CTR9: variants seen among roughly 807,000 people sequenced by gnomAD.
CTR9 encodes the protein RNA polymerase-associated protein CTR9 homolog.
CTR9 carries 41 observed loss-of-function variants against 152.1 expected under a neutral mutation model. The observed-to-expected ratio is 0.27, with a 90% CI of 0.21 to 0.35. The LOEUF is 0.35. Among genes scored for constraint, CTR9 ranks in the 10% least tolerant of loss-of-function variants. The pLI, the probability that CTR9 is intolerant of heterozygous loss-of-function variation, is 1.00. For synonymous variants in CTR9, 476 were observed against 496.2 expected (o/e 0.96, Z 0.54); for missense variants, 917 against 1,424.4 (o/e 0.64, Z 5.73).
chr11:10,764,042 A>G (rs1863019550), intron 9 of CTR9, 70 bp from the exon 10 acceptor site: 4 of 1,485,316 alleles, frequency 2.7e-6, no homozygotes, highest in Non-Finnish European at 2.8e-6. Flanking sequence ...ACAGACTTAC[A>G]TAGCCCCCAC....
chr11:10,768,591 T>G, intron 16 of CTR9, 100 bp downstream of exon 16: 76 of 1,163,656 alleles, frequency 6.5e-5, no homozygotes, highest in Non-Finnish European at 7.6e-5. Flanking sequence ...ATGCTATCTC[T>G]TGTGATACTG....
chr11:10,762,603 A>G (rs1862995089), intron 7 of CTR9, among the ~76,000 whole-genome samples: 1 of 152,224 alleles, frequency 6.6e-6, no homozygotes, highest in South Asian at 2.1e-4. Context: ...TGGACATGCT[A>G]TGTAGGGAAC....
chr11:10,779,302 T>C lies in CTR9; in HGVS notation c.*197T>C. On this transcript the variant is annotated 3_prime_UTR_variant, in exon 25 of 25. Coordinates refer to ENST00000361367, the MANE Select transcript of CTR9 (RefSeq NM_014633.5). Reference sequence around the variant, plus strand: ...CCAATATTTGAGTCTCTCGTGCAAATGAGACTATTCTTTGTGGTACAATTC... The same window carrying C: ...CCAATATTTGAGTCTCTCGTGCAAACGAGACTATTCTTTGTGGTACAATTC... 1.8e-6 allele frequency: 1 copy of C among 569,262 alleles called. No individual in the cohort carries two copies. Among genetic ancestry groups the C allele is most frequent in the Non-Finnish European group, 3.1e-6 (1 of 324,976 alleles). 35.3% of individuals were successfully genotyped at this position (569,262 alleles called of 1,614,324 possible).
chr11:10,764,258 T>C, intron 10 of CTR9, 50 bp from the exon 11 acceptor site: 1 of 1,613,828 alleles, frequency 6.2e-7, no homozygotes, highest in South Asian at 1.1e-5. Context: ...AAGCCTGGTG[T>C]AGTGTCTCTC....
rs1863294175 is a variant in CTR9, at chr11:10,779,272, A to G, written c.*167A>G. On this transcript the variant is annotated 3_prime_UTR_variant, in exon 25 of 25. Coordinates refer to ENST00000361367, the MANE Select transcript of CTR9 (RefSeq NM_014633.5). Reference sequence around the variant, plus strand: ...AGCCCCAAGAGACATTTCCTGTGCTAGAGTCCAATATTTGAGTCTCTCGTG... The same window carrying G: ...AGCCCCAAGAGACATTTCCTGTGCTGGAGTCCAATATTTGAGTCTCTCGTG... 3.1e-6 allele frequency: 2 copies of G among 641,098 alleles called. No homozygotes were observed. The highest frequency in any genetic ancestry group is 2.8e-5 in the East Asian group (1 of 35,586). 39.7% of individuals were successfully genotyped at this position (641,098 alleles called of 1,614,324 possible).
In CTR9 at chr11:10,772,599, C is replaced by T. The variant is rs757474491; in HGVS notation, c.2524C>T (p.Arg842Trp). 11 of 1,610,888 alleles carry T rather than the reference C, an allele frequency of 6.8e-6. No homozygotes were observed. Among genetic ancestry groups the T allele is most frequent in the African/African-American group, 2.7e-5 (2 of 74,572 alleles). ...RKQDEEERELRAKQEQEKELL... is the reference protein window; with the variant it reads ...RKQDEEERELWAKQEQEKELL... ...ACAAGATGAAGAAGAGCGGGAGCTG[C>T]GGGCCAAGCAAGAGCAAGAAAAGGA... is the stretch of plus-strand genomic sequence containing the variant. The change falls in exon 20 of 25, where the codon CGG becomes TGG. Residue 842 changes from arginine to tryptophan, a missense_variant. Around this residue, in one of 9 missense-constraint regions of CTR9, gnomAD observed 106 missense variants for 157.8 expected, o/e 0.67. Coordinates refer to ENST00000361367, the MANE Select transcript of CTR9 (RefSeq NM_014633.5).
At chr11:10,762,486 G>A (rs1317494306) in intron 7 of CTR9, among the ~76,000 whole-genome samples, 1 of 152,210 alleles carries the variant, frequency 6.6e-6, no homozygotes, top group Admixed American at 6.5e-5. Context: ...GGTCACTAGA[G>A]AGTTGAAAAG....
chr11:10,760,369 C>T, intron 6 of CTR9, 48 bp downstream of exon 6: 1 of 1,551,866 alleles, frequency 6.4e-7, no homozygotes, highest in Non-Finnish European at 8.8e-7. Context: ...TTGTCAGGCC[C>T]ACAGCCTCTT....
At chr11:10,769,554 G>A (rs922813862) in intron 16 of CTR9, among the ~76,000 whole-genome samples, 8 of 152,284 alleles carry the variant, frequency 5.3e-5, no homozygotes, top group African/African-American at 1.9e-4. Context: ...AGCTTCAGAG[G>A]TTGTGTTTTG....
Position 10,778,925 on chromosome 11 carries a change from A to C in CTR9, c.3342A>C (p.Ser1114=). The C allele has an allele frequency of 6.2e-7, 1 of 1,614,012 alleles. No individual in the cohort carries two copies. Among genetic ancestry groups the C allele is most frequent in the East Asian group, 2.2e-5 (1 of 44,846 alleles). The change falls in exon 25 of 25, where the codon TCA becomes TCC. Residue 1114 remains serine, a synonymous_variant. Coordinates refer to ENST00000361367, the MANE Select transcript of CTR9 (RefSeq NM_014633.5). Reference sequence around the variant, plus strand: ...CTGTGCAGTCAGGGAGAAGCCACTCAGGAGTTTCTGAGAACGACTCTCGCC... The same window carrying C: ...CTGTGCAGTCAGGGAGAAGCCACTCCGGAGTTTCTGAGAACGACTCTCGCC... ...NESVQSGRSH[S]GVSENDSRPA... is the part of the protein sequence containing the mutation.
chr11:10,771,597 C>G lies in CTR9; in HGVS notation c.2425C>G (p.Leu809Val), dbSNP rs371400312. 7 of 1,612,400 alleles carry G rather than the reference C, an allele frequency of 4.3e-6. No homozygotes were observed. In the African/African-American group the frequency reaches 9.4e-5, roughly 22 times the overall value. Residue 809 changes from leucine (L) to valine (V), a missense_variant, in exon 19 of 25, where the codon CTT (leucine) becomes GTT (valine). Physicochemically the swap from Leu to Val is conservative, Grantham distance 32. Transcript: ENST00000361367. ...AGATAAAATGAGATTTGATTTGGCC[C>G]TTGCTGCTACAGAAGCCAGGTAATG... ...VGDKMRFDLALAATEARQCSD... is the reference protein window; with the variant it reads ...VGDKMRFDLAVAATEARQCSD...
chr11:10,771,286 T>G (rs1863139650), intron 18 of CTR9, among the ~76,000 whole-genome samples: 1 of 152,212 alleles, frequency 6.6e-6, no homozygotes, highest in Non-Finnish European at 1.5e-5. Flanking sequence ...CCTGACATAT[T>G]TAGTAAATTT....
At position 10,773,992 on chromosome 11, in the gene CTR9, T is replaced by C. The variant is rs773203356; in HGVS notation, c.2728-20T>C. 3 of 1,589,080 alleles carry C rather than the reference T, an allele frequency of 1.9e-6. No homozygotes were observed. Among genetic ancestry groups the C allele is most frequent in the East Asian group, 2.2e-5 (1 of 44,516 alleles). On this transcript the variant is annotated intron_variant, in intron 21 of 24. Coordinates refer to ENST00000361367, the MANE Select transcript of CTR9 (RefSeq NM_014633.5). Reference sequence around the variant, plus strand: ...CCACCAACCAGGAAATAACTGACTATAGTGTTGTTTGGATTTTAGCGTTCT... The same window carrying C: ...CCACCAACCAGGAAATAACTGACTACAGTGTTGTTTGGATTTTAGCGTTCT...
chr11:10,772,404 AT>A (rs1221936248), intron 19 of CTR9, 115 bp from the exon 20 acceptor site: 5 of 861,248 alleles, frequency 5.8e-6, no homozygotes, highest in Non-Finnish European at 8.0e-6. Flanking sequence ...AAGACTTCAC[AT>A]AGATCAGCTA....
At position 10,775,271 on chromosome 11, in the gene CTR9, C is replaced by G; in HGVS notation, c.2950C>G (p.Arg984Gly). The change falls in exon 23 of 25, where the codon CGA becomes GGA. Residue 984 changes from arginine to glycine, a missense_variant. Physicochemically the swap from Arg to Gly is moderately radical, Grantham distance 125 (BLOSUM62 -2). This residue lies in a region of CTR9 where 384 missense variants were observed against 398.4 expected (regional missense o/e 0.96). Coordinates refer to ENST00000361367, the MANE Select transcript of CTR9 (RefSeq NM_014633.5). The stretch of plus-strand genomic sequence containing the variant: ...AGAAAATGGCCCCAAACCAAAAAAA[C>G]GACGTCCACCAAAAGCAGAGAAGAA... Reference protein sequence around the residue: ...ETENGPKPKKRRPPKAEKKKA... With the variant: ...ETENGPKPKKGRPPKAEKKKA... The G allele has an allele frequency of 6.2e-7, 1 of 1,613,986 alleles. No individual in the cohort carries two copies. The highest frequency in any genetic ancestry group is 8.5e-7 in the Non-Finnish European group (1 of 1,179,958).
Position 10,756,971 on chromosome 11 carries a change from T to C in CTR9, c.592+133T>C, listed in dbSNP as rs1047773737. 13 of 712,064 alleles carry C rather than the reference T, an allele frequency of 1.8e-5. No homozygotes were observed. The Middle Eastern group carries it at 1.0e-3, about 55-fold the overall frequency. The allele number at this position is 712,064 out of a possible 1,614,324, so 44.1% of individuals were successfully genotyped here. A position where few individuals can be genotyped will look rare whatever the true frequency, so the allele number is the denominator to read the frequency against. On this transcript the variant is annotated intron_variant, in intron 5 of 24. Coordinates refer to ENST00000361367, the MANE Select transcript of CTR9 (RefSeq NM_014633.5). ...GAAATGTCAGAATCAAGTTTTTTTT[T>C]TGATGCTATGTTTGAGTCAAAAGCT...
In CTR9 at chr11:10,772,510, A is replaced by T; in HGVS notation, c.2445-10A>T. On this transcript the variant is annotated splice_polypyrimidine_tract_variant and intron_variant, in intron 19 of 24. Coordinates refer to ENST00000361367, the MANE Select transcript of CTR9 (RefSeq NM_014633.5). ...TACATTCATGTTTCTCTAAACCTGAAATGTTCTAGGCAGTGTTCTGACTTA... is the reference window on the plus strand; with the variant it reads ...TACATTCATGTTTCTCTAAACCTGATATGTTCTAGGCAGTGTTCTGACTTA... 7.0e-7 allele frequency: 1 copy of T among 1,438,040 alleles called. No homozygotes were observed. The highest frequency in any genetic ancestry group is 1.5e-5 in the African/African-American group (1 of 68,582). The allele number at this position is 1,438,040 out of a possible 1,614,324, so 89.1% of individuals were successfully genotyped here. A position where few individuals can be genotyped will look rare whatever the true frequency, so the allele number is the denominator to read the frequency against.
rs1165841402 is a variant in CTR9, at chr11:10,763,882, A to G, written c.1194+3A>G. The G allele has an allele frequency of 6.3e-7, 1 of 1,589,304 alleles. No individual in the cohort carries two copies. Among genetic ancestry groups the G allele is most frequent in the Middle Eastern group, 1.7e-4 (1 of 5,922 alleles). On this transcript the variant is annotated splice_donor_region_variant and intron_variant, in intron 9 of 24. Coordinates refer to ENST00000361367, the MANE Select transcript of CTR9 (RefSeq NM_014633.5). The stretch of plus-strand genomic sequence containing the variant: ...AAGAAAAACGAGATATTGCCAAGGT[A>G]CATCTTTTTTTTAAAGTCTTAGCTG...
At chr11:10,754,010 T>A (rs374185190) in intron 2 of CTR9, among the ~76,000 whole-genome samples, 27 of 152,284 alleles carry the variant, frequency 1.8e-4, no homozygotes, top group African/African-American at 6.5e-4. Context: ...CCTTTCATGG[T>A]ATGTGACCAA....
Sources: gnomAD v4.1 joint callset for allele counts (sites outside exome capture counted in the v4.1 genomes callset) on GRCh38, gnomAD v4.1.1 for gene constraint, gnomAD v4.1.1 regional missense constraint, MANE v1.5 for transcripts, NCBI Gene and HGNC (gene_info 2026-07-23, HGNC 2026-07-21) for gene names.